The following DAZAP1 variants were observed in gnomAD, a reference collection of about 807,000 sequenced individuals.
DAZAP1 encodes the protein DAZ associated protein 1.
DAZAP1 carries 6 observed loss-of-function variants against 60.1 expected under a neutral mutation model. The observed-to-expected ratio is 0.10, with a 90% confidence interval of 0.05 to 0.20. The LOEUF (loss-of-function observed/expected upper bound fraction) is 0.20, where lower values mean the gene tolerates loss of function less well. Ranked by LOEUF, DAZAP1 falls within the 10% of genes least tolerant of loss-of-function variation. DAZAP1 has a pLI of 1.00. For missense variants in DAZAP1, 366 were observed against 560.4 expected, an observed-to-expected ratio of 0.65 and a Z score of 3.50; for synonymous variants, 235 against 215.9, an observed-to-expected ratio of 1.09 and a Z score of -0.78.
At chr19:1,412,339 C>A (rs778985027) in intron 1 of DAZAP1, among the ~76,000 whole-genome samples, 1 of 152,126 alleles carries the variant, frequency 6.6e-6, no homozygotes. Flanking sequence ...CAGGAAAGTC[C>A]CTAGAGGCTC....
At chr19:1,429,137 G>A (rs1446667401) in intron 8 of DAZAP1, 142 bp downstream of exon 8, 3 of 1,142,974 alleles carry the variant, frequency 2.6e-6, no homozygotes, top group Non-Finnish European at 2.3e-6. Flanking sequence ...TTGAGCCCCC[G>A]CGAGGTGCCG....
intron 2 of DAZAP1, 57 bp downstream of exon 2, chr19:1,417,597 T>C: frequency 6.6e-7 from 1 of 1,507,158 alleles, no homozygotes; most frequent in South Asian, 1.2e-5. Flanking sequence ...GACCTCGGCC[T>C]TCAAGTTGTG....
chr19:1,430,495 C>T, intron 10 of DAZAP1, 133 bp downstream of exon 10: 1 of 778,766 alleles, frequency 1.3e-6, no homozygotes, highest in East Asian at 3.3e-5. Flanking sequence ...GTCAGCAGGT[C>T]ACCTGCCACC....
At chr19:1,427,583 T>C (rs894074748) in intron 7 of DAZAP1, 8 of 152,280 alleles carry the variant, frequency 5.3e-5, no homozygotes, top group African/African-American at 1.7e-4. Flanking sequence ...AAAGAATTTT[T>C]TTTTGTTTTT....
At position 1,433,191 on chromosome 19, in the gene DAZAP1, G is replaced by A. The variant is rs764001606; in HGVS notation, c.1048+501G>A. ...TGTCGTGGCTTGGGTCTGCCTGGAC[G>A]TGATCTGCAGGCAGCGCATGTGCTT... On this transcript the variant is annotated intron_variant, in intron 11 of 11. Transcript: ENST00000233078. The surrounding 1 kb of genome is among the most constrained non-coding windows in gnomAD (Gnocchi z 6.1). 32 of 186,134 alleles carry A rather than the reference G, an allele frequency of 1.7e-4. No individual in the cohort carries two copies. The highest frequency in any genetic ancestry group is 3.5e-4 in the Non-Finnish European group (31 of 88,774). The allele number at this position is 186,134 out of a possible 1,614,324, so 11.5% of individuals were successfully genotyped here. A position where few individuals can be genotyped will look rare whatever the true frequency, so the allele number is the denominator to read the frequency against.
chr19:1,426,048 G>A lies in DAZAP1; in HGVS notation c.546+88G>A, dbSNP rs930144632. ...TCACTGGAAAGGAACATTCCTTCAC[G>A]GAAAGGGTCGGGCGAGTTCGTCCTG... On this transcript the variant is annotated intron_variant, in intron 7 of 11. Transcript: ENST00000233078. The surrounding 1 kb of genome is among the most constrained non-coding windows in gnomAD (Gnocchi z 5.4). 16 of 999,986 alleles carry A rather than the reference G, an allele frequency of 1.6e-5. No homozygotes were observed. The highest frequency in any genetic ancestry group is 7.2e-5 in the East Asian group (3 of 41,796). 61.9% of individuals were successfully genotyped at this position (999,986 alleles called of 1,614,324 possible). A position where few individuals can be genotyped will look rare whatever the true frequency, so the allele number is the denominator to read the frequency against.
chr19:1,425,973 A>T lies in DAZAP1; in HGVS notation c.546+13A>T. 6.3e-7 allele frequency: 1 copy of T among 1,587,570 alleles called. No individual in the cohort carries two copies. Among genetic ancestry groups the T allele is most frequent in the Non-Finnish European group, 8.7e-7 (1 of 1,155,838 alleles). ...CATGGGCAAAAAAGTGTGTAGTTGTAGTTTTATTTTACCTTAAGACCAAAC... is the reference window on the plus strand; with the variant it reads ...CATGGGCAAAAAAGTGTGTAGTTGTTGTTTTATTTTACCTTAAGACCAAAC... On this transcript the variant is annotated intron_variant, in intron 7 of 11. Transcript: ENST00000233078. The surrounding 1 kb of genome is among the most constrained non-coding windows in gnomAD (Gnocchi z 5.4).
At chr19:1,431,026 G>A (rs1238002388) in intron 10 of DAZAP1, among the ~76,000 whole-genome samples, 1 of 151,606 alleles carries the variant, frequency 6.6e-6, no homozygotes, top group Non-Finnish European at 1.5e-5. Flanking sequence ...CAGCCTCACA[G>A]GCTCTAATTC....
Position 1,433,661 on chromosome 19 carries a change from T to G in DAZAP1, c.1048+971T>G. The G allele has an allele frequency of 1.6e-6, 2 of 1,217,926 alleles. No homozygotes were observed. The highest frequency in any genetic ancestry group is 2.4e-6 in the Non-Finnish European group (2 of 831,016). 75.4% of individuals were successfully genotyped at this position (1,217,926 alleles called of 1,614,324 possible). A position where few individuals can be genotyped will look rare whatever the true frequency, so the allele number is the denominator to read the frequency against. On this transcript the variant is annotated intron_variant, in intron 11 of 11. Coordinates refer to ENST00000233078, the MANE Select transcript of DAZAP1 (RefSeq NM_018959.4). This position sits in a 1 kb window ranked among gnomAD's most constrained non-coding sequence, Gnocchi z 6.1. ...TGGCAGGGGGGTGTGAGGCGCCCGG[T>G]TGGGGCGTGGCGTGTGTCAGCCGCT...
intron 10 of DAZAP1, among the ~76,000 whole-genome samples, chr19:1,431,231 C>G (rs2083443416): frequency 1.3e-5 from 2 of 151,712 alleles, no homozygotes; most frequent in Admixed American, 1.3e-4. Context: ...TGGGTTCACG[C>G]CATTCTCCTA....
intron 8 of DAZAP1, among the ~76,000 whole-genome samples, chr19:1,429,726 A>G (rs1048280084): frequency 1.3e-5 from 2 of 152,180 alleles, no homozygotes; most frequent in Non-Finnish European, 2.9e-5. Flanking sequence ...CAGTCAGCAG[A>G]CACAGTGCCC....
intron 1 of DAZAP1, 127 bp from the exon 2 acceptor site, chr19:1,417,373 C>T: frequency 9.8e-7 from 1 of 1,017,256 alleles, no homozygotes; most frequent in South Asian, 1.4e-5. Context: ...TGTATGCCGT[C>T]ACGTGCACAA....
chr19:1,419,082 T>C (rs778740934), intron 4 of DAZAP1, among the ~76,000 whole-genome samples: 46 of 152,070 alleles, frequency 3.0e-4, no homozygotes, highest in Non-Finnish European at 5.6e-4. Flanking sequence ...CTGCCGGGGC[T>C]GGGCCGGGCT....
In DAZAP1 at chr19:1,407,760, C is replaced by A; in HGVS notation, c.-14C>A. 2 of 1,083,462 alleles carry A rather than the reference C, an allele frequency of 1.8e-6. No individual in the cohort carries two copies. The highest frequency in any genetic ancestry group is 1.7e-5 in the African/African-American group (1 of 59,110). The allele number at this position is 1,083,462 out of a possible 1,614,324, so 67.1% of individuals were successfully genotyped here. ...GGAGGCCCGGGAGCGCCGAGCGTCG[C>A]CGCCGCCGCCGCCATGAACAACTCG... On this transcript the variant is annotated 5_prime_UTR_variant, in exon 1 of 12. Transcript: ENST00000233078.
At position 1,425,796 on chromosome 19, in the gene DAZAP1, C is replaced by T. The variant is rs980520711; in HGVS notation, c.464-82C>T. 7.0e-6 allele frequency: 7 copies of T among 1,005,994 alleles called. No homozygotes were observed. The highest frequency in any genetic ancestry group is 2.1e-4 in the Middle Eastern group (1 of 4,878). 62.3% of individuals were successfully genotyped at this position (1,005,994 alleles called of 1,614,324 possible). A position where few individuals can be genotyped will look rare whatever the true frequency, so the allele number is the denominator to read the frequency against. On this transcript the variant is annotated intron_variant, in intron 6 of 11. Transcript: ENST00000233078. This position sits in a 1 kb window ranked among gnomAD's most constrained non-coding sequence, Gnocchi z 5.4. ...TAGCTGAAACCCAAGGTCGATCCCT[C>T]GGCCCGTCCCTAATACTGTTCATCA...
intron 1 of DAZAP1, among the ~76,000 whole-genome samples, chr19:1,409,549 G>A (rs1307472190): frequency 2.6e-5 from 4 of 152,220 alleles, no homozygotes; most frequent in African/African-American, 7.2e-5. Context: ...TCTCCTCCCC[G>A]GCTGCCAGGA....
rs374745867 is a variant in DAZAP1 at position 1,433,863 on chromosome 19, C to T, written c.1049-874C>T. ...CCTCCTTCTCCAGGGTCCTCCCACC[C>T]GCCTGCACCGGGAGGTGGACGTGGC... On this transcript the variant is annotated intron_variant, in intron 11 of 11. Transcript: ENST00000233078. The surrounding 1 kb of genome is among the most constrained non-coding windows in gnomAD (Gnocchi z 6.1). 7.0e-6 allele frequency: 11 copies of T among 1,577,286 alleles called. No homozygotes were observed. The highest frequency in any genetic ancestry group is 6.7e-5 in the African/African-American group (5 of 74,200).
intron 1 of DAZAP1, among the ~76,000 whole-genome samples, chr19:1,408,543 C>G (rs368259156): frequency 1.3e-4 from 20 of 152,242 alleles, no homozygotes; most frequent in East Asian, 1.9e-4. Flanking sequence ...TCCCACCCCC[C>G]CAAAGTGGTA....
At position 1,433,544 on chromosome 19, in the gene DAZAP1, T is replaced by G; in HGVS notation, c.1048+854T>G. The G allele has an allele frequency of 8.1e-5, 43 of 533,308 alleles. No individual in the cohort carries two copies. Among genetic ancestry groups the G allele is most frequent in the Middle Eastern group, 5.2e-4 (1 of 1,936 alleles). 33.0% of individuals were successfully genotyped at this position (533,308 alleles called of 1,614,324 possible). The stretch of plus-strand genomic sequence containing the variant: ...GCCCACCCACCTCGCATGGCTGTGG[T>G]TCCCCTGCCCCCACGCCCAGGCCTT... On this transcript the variant is annotated intron_variant, in intron 11 of 11. Coordinates refer to ENST00000233078, the MANE Select transcript of DAZAP1 (RefSeq NM_018959.4). This position sits in a 1 kb window ranked among gnomAD's most constrained non-coding sequence, Gnocchi z 6.1.
Sources: gnomAD v4.1 joint callset for allele counts (sites outside exome capture counted in the v4.1 genomes callset) on GRCh38, gnomAD v4.1.1 for gene constraint, Gnocchi (gnomAD v3.1) non-coding constraint, MANE v1.5 for transcripts, NCBI Gene and HGNC (gene_info 2026-07-23, HGNC 2026-07-21) for gene names.